The following SGCZ variants were observed in gnomAD, a reference collection of about 807,000 sequenced individuals.
The protein encoded by SGCZ is sarcoglycan zeta.
Under a neutral mutation model 41.3 loss-of-function variants are expected in SGCZ, and 40 were observed. The ratio of observed to expected loss-of-function variants is 0.97; its 90% CI spans 0.75 to 1.26. The LOEUF is 1.26. Among genes scored for constraint, SGCZ ranks in the 50% most tolerant of loss-of-function variants. The pLI is 0.00. For synonymous variants in SGCZ, 206 were observed against 137.5 expected (o/e 1.50, Z -3.49); for missense variants, 552 against 369.8 (o/e 1.49, Z -4.04).
chr8:14,318,422 G>A (rs1563254000), intron 3 of SGCZ, among the ~76,000 whole-genome samples: 1 of 151,676 alleles, frequency 6.6e-6, no homozygotes, highest in South Asian at 2.1e-4. Flanking sequence ...AAAAGCAGAA[G>A]TCAAAAAAAA....
At chr8:14,673,009 A>G (rs530367514) in intron 1 of SGCZ, among the ~76,000 whole-genome samples, 18 of 152,300 alleles carry the variant, frequency 1.2e-4, no homozygotes, top group Admixed American at 1.0e-3. Context: ...AATTTATAAA[A>G]ACACACAGCA....
chr8:14,295,603 C>G (rs978724265), intron 3 of SGCZ, among the ~76,000 whole-genome samples: 1 of 151,982 alleles, frequency 6.6e-6, no homozygotes, highest in Non-Finnish European at 1.5e-5. Context: ...GTAAAATGAA[C>G]TATAACTGAG....
At chr8:15,000,803 C>T (rs115360637) in intron 1 of SGCZ, among the ~76,000 whole-genome samples, 107 of 152,272 alleles carry the variant, frequency 7.0e-4, no homozygotes, top group African/African-American at 2.2e-3. Context: ...TGCTGCAGTC[C>T]GCCATCTACC....
intron 1 of SGCZ, among the ~76,000 whole-genome samples, chr8:14,661,178 G>T (rs1807736448): frequency 1.3e-5 from 2 of 152,108 alleles, no homozygotes; most frequent in South Asian, 2.1e-4. Flanking sequence ...TAGGTAGTTT[G>T]TGCCCCCCGA....
chr8:14,312,106 A>C (rs574747119), intron 3 of SGCZ, among the ~76,000 whole-genome samples: 1 of 152,250 alleles, frequency 6.6e-6, no homozygotes, highest in African/African-American at 2.4e-5. Flanking sequence ...AGGGTCATGA[A>C]ATCATTTAGT....
intron 1 of SGCZ, among the ~76,000 whole-genome samples, chr8:14,702,917 T>TAGG (rs1563213235): frequency 2.9e-5 from 4 of 135,762 alleles, no homozygotes; most frequent in South Asian, 2.6e-4. Context: ...AGGTAGGTAG[T>TAGG]TAGGTAGGTA....
At chr8:14,451,755 A>G (rs1020257673) in intron 2 of SGCZ, among the ~76,000 whole-genome samples, 1 of 152,216 alleles carries the variant, frequency 6.6e-6, no homozygotes, top group African/African-American at 2.4e-5. Context: ...CCAACATTGT[A>G]TATCATTTAA....
At chr8:14,453,372 T>A (rs74335568) in intron 2 of SGCZ, among the ~76,000 whole-genome samples, 435 of 152,292 alleles carry the variant, frequency 2.9e-3, no homozygotes, top group Non-Finnish European at 5.2e-3. Flanking sequence ...ATATTTGCAA[T>A]TGAAATAATC....
At chr8:15,013,255 C>T (rs1032562461) in intron 1 of SGCZ, among the ~76,000 whole-genome samples, 1 of 152,102 alleles carries the variant, frequency 6.6e-6, no homozygotes, top group African/African-American at 2.4e-5. Flanking sequence ...TCTGGCTGTA[C>T]TGTAATAAAA....
chr8:14,184,875 G>C (rs914862672), intron 4 of SGCZ, among the ~76,000 whole-genome samples: 2 of 152,100 alleles, frequency 1.3e-5, no homozygotes, highest in African/African-American at 2.4e-5. Flanking sequence ...GAATACATTA[G>C]AGCATGAAGA....
At chr8:14,438,872 A>T (rs1290739798) in intron 2 of SGCZ, among the ~76,000 whole-genome samples, 1 of 152,108 alleles carries the variant, frequency 6.6e-6, no homozygotes, top group Non-Finnish European at 1.5e-5. Context: ...GGAAAATAAC[A>T]TTCTTTTAAA....
In SGCZ at chr8:14,880,233, C is replaced by A. The variant is rs1036178009; in HGVS notation, c.40-325307G>T. On this transcript the variant is annotated intron_variant, in intron 1 of 7. Coordinates refer to ENST00000382080, the MANE Select transcript of SGCZ (RefSeq NM_139167.4). Reference sequence around the variant, plus strand: ...ATCATCACTGGCCATCAGAGAAATGCAAATCAAAACCACAATGAGATACCA... The same window carrying A: ...ATCATCACTGGCCATCAGAGAAATGAAAATCAAAACCACAATGAGATACCA... 1.3e-5 allele frequency among the ~76,000 whole-genome samples: 2 copies of A among 152,076 alleles called. 1 individual carries two copies. The highest frequency in any genetic ancestry group is 2.9e-5 in the Non-Finnish European group (2 of 68,002).
chr8:14,930,325 G>C (rs1799889508), intron 1 of SGCZ, among the ~76,000 whole-genome samples: 1 of 151,994 alleles, frequency 6.6e-6, no homozygotes, highest in Non-Finnish European at 1.5e-5. Flanking sequence ...TCATTAAAAA[G>C]TCAGGAAACA....
intron 1 of SGCZ, among the ~76,000 whole-genome samples, chr8:15,236,198 T>G (rs1802113400): frequency 6.6e-6 from 1 of 152,140 alleles, no homozygotes; most frequent in South Asian, 2.1e-4. Flanking sequence ...GCATCTACAG[T>G]CAGTGGCAGG....
intron 1 of SGCZ, among the ~76,000 whole-genome samples, chr8:15,016,916 C>G (rs1297011036): frequency 1.3e-5 from 2 of 152,000 alleles, no homozygotes; most frequent in Admixed American, 1.3e-4. Flanking sequence ...TTTTAACAAG[C>G]AGATCTGGTA....
intron 1 of SGCZ, among the ~76,000 whole-genome samples, chr8:14,653,583 C>T (rs1181629821): frequency 6.6e-6 from 1 of 152,082 alleles, no homozygotes; most frequent in Non-Finnish European, 1.5e-5. Flanking sequence ...CCAATGTTTA[C>T]CTTTCTCTGG....
At chr8:14,701,660 T>C (rs1307386885) in intron 1 of SGCZ, among the ~76,000 whole-genome samples, 2 of 151,932 alleles carry the variant, frequency 1.3e-5, no homozygotes, top group African/African-American at 4.8e-5. Flanking sequence ...TCTTCTTTTC[T>C]TACGGCCCAA....
At chr8:14,628,233 C>A (rs913781674) in intron 1 of SGCZ, among the ~76,000 whole-genome samples, 52 of 152,188 alleles carry the variant, frequency 3.4e-4, no homozygotes, top group African/African-American at 1.3e-3. Context: ...AAGATCCCAT[C>A]TTGATCATGA....
At chr8:14,315,718 C>T (rs1300585962) in intron 3 of SGCZ, among the ~76,000 whole-genome samples, 1 of 151,498 alleles carries the variant, frequency 6.6e-6, no homozygotes, top group Non-Finnish European at 1.5e-5. Context: ...ACAGAATACT[C>T]AAGCATTCAA....
Sources: gnomAD v4.1 joint callset for allele counts (sites outside exome capture counted in the v4.1 genomes callset) on GRCh38, gnomAD v4.1.1 for gene constraint, MANE v1.5 for transcripts, NCBI Gene and HGNC (gene_info 2026-07-23, HGNC 2026-07-21) for gene names.